Variants in ZNF658 observed in about 807,000 individuals in gnomAD.
ZNF658 encodes zinc finger protein 658.
Under a neutral mutation model 78.0 loss-of-function variants are expected in ZNF658, and 46 were observed. The ratio of observed to expected loss-of-function variants is 0.59; its 90% CI spans 0.47 to 0.75. The LOEUF (loss-of-function observed/expected upper bound fraction) is 0.75. Ranked by LOEUF, ZNF658 falls within the 30% of genes least tolerant of loss-of-function variation. The probability of loss-of-function intolerance (pLI) is 0.00; values close to 1 mark genes in which losing one functional copy is unlikely to be tolerated. For missense variants in ZNF658, 785 were observed against 1,189.3 expected, an observed-to-expected ratio of 0.66 and a Z score of 5.00; for synonymous variants, 279 against 408.4, an observed-to-expected ratio of 0.68 and a Z score of 3.82.
intron 2 of ZNF658, among the ~76,000 whole-genome samples, chr9:66,905,183 C>T (rs1822051937): frequency 7.0e-6 from 1 of 142,182 alleles, no homozygotes; most frequent in Non-Finnish European, 1.5e-5. Flanking sequence ...TCAAGCAATC[C>T]TTGTGCCTCA....
At chr9:66,902,051 C>T (rs186909063) in intron 1 of ZNF658, among the ~76,000 whole-genome samples, 71 of 152,170 alleles carry the variant, frequency 4.7e-4, no homozygotes, top group African/African-American at 1.7e-3. Flanking sequence ...CCTAAATATT[C>T]GACTTGTAGC....
downstream of ZNF658, among the ~76,000 whole-genome samples, chr9:66,925,505 C>T (rs1192041282): frequency 6.6e-6 from 1 of 151,880 alleles, no homozygotes; most frequent in African/African-American, 2.4e-5. Context: ...GGATAAATTC[C>T]TAGAAACATA....
At chr9:66,927,657 G>T (rs1411460553) in intron 6 of ZNF658, among the ~76,000 whole-genome samples, 8 of 151,698 alleles carry the variant, frequency 5.3e-5, no homozygotes, top group Non-Finnish European at 1.0e-4. Flanking sequence ...ACATACAATG[G>T]AAATACTATT....
In ZNF658 at chr9:66,908,706, A is replaced by C; in HGVS notation, c.210A>C (p.Glu70Asp). 1 of 1,609,490 alleles carries C rather than the reference A, an allele frequency of 6.2e-7. No individual in the cohort carries two copies. The highest frequency in any genetic ancestry group is 8.5e-7 in the Non-Finnish European group (1 of 1,177,956). Residue 70 changes from glutamate to aspartate, a missense_variant, in exon 4 of 5, where the codon GAA becomes GAC. By Grantham distance (45) the Glu-to-Asp change is conservative. Coordinates refer to ENST00000621410, the MANE Select transcript of ZNF658 (RefSeq NM_033160.7). ...AAGGAGAAGAGCCATGGTCTTTAGAAGATGAATTCCTGAACCAGAGGTACC... is the reference window on the plus strand; with the variant it reads ...AAGGAGAAGAGCCATGGTCTTTAGACGATGAATTCCTGAACCAGAGGTACC... ...LEKGEEPWSL[E>D]DEFLNQRYPG...
At chr9:66,922,302 G>A (rs1822540749), downstream of ZNF658, among the ~76,000 whole-genome samples, 1 of 152,094 alleles carries the variant, frequency 6.6e-6, no homozygotes, top group Admixed American at 6.6e-5. Flanking sequence ...TGCTTCCCGG[G>A]TGAGGCAATG....
rs377243308 is a variant in ZNF658, at chr9:66,919,774, C to T, written c.2208C>T (p.His736=). The change falls in exon 5 of 5, where the codon CAC becomes CAT. Residue 736 remains histidine, a synonymous_variant. Coordinates refer to ENST00000621410, the MANE Select transcript of ZNF658 (RefSeq NM_033160.7). The part of the protein sequence containing the change: ...NSALRAHQNI[H]TGEKLYECSE... ...CCCTTAGAGCACATCAGAATATCCA[C>T]ACAGGGGAGAAACTCTATGAATGTA... 1 of 1,611,330 alleles carries T rather than the reference C, an allele frequency of 6.2e-7. No individual in the cohort carries two copies. Among genetic ancestry groups the T allele is most frequent in the Non-Finnish European group, 8.5e-7 (1 of 1,179,738 alleles).
At chr9:66,916,314 G>A (rs1822334680) in intron 4 of ZNF658, among the ~76,000 whole-genome samples, 1 of 152,092 alleles carries the variant, frequency 6.6e-6, no homozygotes, top group South Asian at 2.1e-4. Context: ...TTCACCCATG[G>A]GTTAATTAGG....
chr9:66,914,241 C>T (rs1244980484), intron 4 of ZNF658, among the ~76,000 whole-genome samples: 2 of 149,768 alleles, frequency 1.3e-5, no homozygotes, highest in East Asian at 3.9e-4. Context: ...GATAACGAGG[C>T]TTTTTTAATT....
At chr9:66,923,317 T>C (rs1822553693), downstream of ZNF658, among the ~76,000 whole-genome samples, 1 of 150,238 alleles carries the variant, frequency 6.7e-6, no homozygotes, top group Non-Finnish European at 1.5e-5. Context: ...CCTGCTTTAT[T>C]TTAGCTGTGC....
chr9:66,918,701 A>G lies in ZNF658; in HGVS notation c.1135A>G (p.Lys379Glu). ...ACATCAGAGAATTCACACAGAAGATAAATTCTACCTTTCTGATGAACATGG... is the reference window on the plus strand; with the variant it reads ...ACATCAGAGAATTCACACAGAAGATGAATTCTACCTTTCTGATGAACATGG... ...TAHQRIHTED[K>E]FYLSDEHGKC... Residue 379 changes from lysine (K) to glutamate (E), a missense_variant, in exon 5 of 5, where the codon AAA becomes GAA. Physicochemically the swap from Lys to Glu is moderately conservative, Grantham distance 56. This residue lies in a region of ZNF658 where 393 missense variants were observed against 400.2 expected (regional missense o/e 0.98). Transcript: ENST00000621410. 5 of 1,613,984 alleles carry G rather than the reference A, an allele frequency of 3.1e-6. No individual in the cohort carries two copies. The highest frequency in any genetic ancestry group is 4.2e-6 in the Non-Finnish European group (5 of 1,179,872).
chr9:66,901,681 A>C (rs1476280742), intron 1 of ZNF658, among the ~76,000 whole-genome samples: 1 of 152,170 alleles, frequency 6.6e-6, no homozygotes, highest in African/African-American at 2.4e-5. Context: ...GCGGTGGCTC[A>C]TGCCTGTAAT....
chr9:66,928,977 T>A (rs1256706157), intron 6 of ZNF658, among the ~76,000 whole-genome samples: 1 of 148,732 alleles, frequency 6.7e-6, no homozygotes, highest in African/African-American at 2.5e-5. Context: ...ACCTCACTTC[T>A]CTTAGGAATG....
At chr9:66,931,291 C>T (rs889652530) in intron 6 of ZNF658, among the ~76,000 whole-genome samples, 3 of 150,014 alleles carry the variant, frequency 2.0e-5, no homozygotes, top group African/African-American at 7.4e-5. Flanking sequence ...TAGTCTTTTG[C>T]ATTTGTGTGT....
At position 66,918,638 on chromosome 9, in the gene ZNF658, T is replaced by G. The variant is rs754887022; in HGVS notation, c.1072T>G (p.Cys358Gly). ...AGATAAATTTGGTGAACATAATGAATGTACAGATGCCCTCTACCAGAAATT... is the reference window on the plus strand; with the variant it reads ...AGATAAATTTGGTGAACATAATGAAGGTACAGATGCCCTCTACCAGAAATT... ...AGDKFGEHNE[C>G]TDALYQKLDF... is the part of the protein sequence containing the mutation. Residue 358 changes from cysteine to glycine, a missense_variant, in exon 5 of 5, where the codon TGT becomes GGT. By Grantham distance (159) the Cys-to-Gly change is radical. This residue lies in a region of ZNF658 where 393 missense variants were observed against 400.2 expected (regional missense o/e 0.98). Coordinates refer to ENST00000621410, the MANE Select transcript of ZNF658 (RefSeq NM_033160.7). 5 of 1,613,300 alleles carry G rather than the reference T, an allele frequency of 3.1e-6. 1 individual carries two copies. The highest frequency in any genetic ancestry group is 2.2e-5 in the East Asian group (1 of 44,846).
At chr9:66,914,424 T>TA (rs1822286300) in intron 4 of ZNF658, among the ~76,000 whole-genome samples, 1 of 152,068 alleles carries the variant, frequency 6.6e-6, no homozygotes, top group Non-Finnish European at 1.5e-5. Context: ...TGTGTAAATT[T>TA]ACTCTGTATC....
rs1019614756 is a variant in ZNF658, at chr9:66,914,557, C to T, written c.239-3248C>T. 1.1e-4 allele frequency among the ~76,000 whole-genome samples: 17 copies of T among 152,032 alleles called. 1 individual carries two copies. Among genetic ancestry groups the T allele is most frequent in the Non-Finnish European group, 2.2e-4 (15 of 67,960 alleles). On this transcript the variant is annotated intron_variant, in intron 4 of 4. Transcript: ENST00000621410. ...CTTAGAGGGAAGACATTCAGTCTCT[C>T]TTGAGTATAATGTTAGTTATAGGCT... is the stretch of plus-strand genomic sequence containing the variant.
intron 6 of ZNF658, among the ~76,000 whole-genome samples, chr9:66,929,775 T>A (rs1324106411): frequency 1.7e-4 from 16 of 91,546 alleles, no homozygotes; most frequent in African/African-American, 4.6e-4. Flanking sequence ...CTTTTTCTTT[T>A]TCTTTTCTTT....
rs1230180667 is a variant in ZNF658, at chr9:66,917,711, T to G, written c.239-94T>G. On this transcript the variant is annotated intron_variant, in intron 4 of 4. Transcript: ENST00000621410. ...CTGGGTGACAGAGCAATACCCTATT[T>G]CAAAAACCAAAACCAAAATCAAAAT... 9.5e-6 allele frequency: 13 copies of G among 1,365,746 alleles called. No homozygotes were observed. In the Admixed American group the frequency reaches 3.1e-4, roughly 33 times the overall value. The allele number at this position is 1,365,746 out of a possible 1,614,324, so 84.6% of individuals were successfully genotyped here. A position where few individuals can be genotyped will look rare whatever the true frequency, so the allele number is the denominator to read the frequency against.
chr9:66,925,627 C>A (rs1376701897), downstream of ZNF658, among the ~76,000 whole-genome samples: 4 of 152,054 alleles, frequency 2.6e-5, no homozygotes, highest in African/African-American at 7.2e-5. Flanking sequence ...AAGCCTCCGA[C>A]CTGATGACTC....
Sources: gnomAD v4.1 joint callset for allele counts (sites outside exome capture counted in the v4.1 genomes callset) on GRCh38, gnomAD v4.1.1 for gene constraint, gnomAD v4.1.1 regional missense constraint, MANE v1.5 for transcripts, NCBI Gene and HGNC (gene_info 2026-07-23, HGNC 2026-07-21) for gene names.